EEFSEC: variants seen among roughly 807,000 people sequenced by gnomAD.
The protein encoded by EEFSEC is eukaryotic elongation factor, selenocysteine-tRNA specific, also known as selenocysteine-specific elongation factor.
A neutral mutation model predicts 42.1 loss-of-function variants in EEFSEC; 43 were observed. That is an observed-to-expected ratio of 1.02 (90% confidence interval 0.80 to 1.32). The LOEUF is 1.32. Among genes scored for constraint, EEFSEC ranks in the 40% most tolerant of loss-of-function variants. The pLI is 0.00. For synonymous variants in EEFSEC, 354 were observed against 339.1 expected (o/e 1.04, Z -0.48); for missense variants, 745 against 803.6 (o/e 0.93, Z 0.88).
chr3:128,404,545 T>C (rs1240952419), intron 6 of EEFSEC, among the ~76,000 whole-genome samples: 2 of 152,088 alleles, frequency 1.3e-5, no homozygotes, highest in African/African-American at 2.4e-5. Flanking sequence ...ATGCCATTTG[T>C]CGGGGTCTGC....
At chr3:128,243,490 A>G (rs1289622029) in intron 1 of EEFSEC, among the ~76,000 whole-genome samples, 1 of 152,250 alleles carries the variant, frequency 6.6e-6, no homozygotes, top group East Asian at 1.9e-4. Flanking sequence ...TTCCTGGTGA[A>G]TAAAGTAGAA....
At chr3:128,246,584 A>G (rs1310324116) in intron 1 of EEFSEC, among the ~76,000 whole-genome samples, 1 of 152,136 alleles carries the variant, frequency 6.6e-6, no homozygotes, top group Non-Finnish European at 1.5e-5. Flanking sequence ...ACCCAGCCCT[A>G]TTGCGTGTTA....
chr3:128,187,915 T>C (rs889986283), intron 1 of EEFSEC, among the ~76,000 whole-genome samples: 1 of 152,182 alleles, frequency 6.6e-6, no homozygotes, highest in Non-Finnish European at 1.5e-5. Flanking sequence ...TTTGGAGGGT[T>C]TGGACAATCC....
chr3:128,316,062 A>G (rs2066941256), intron 4 of EEFSEC, among the ~76,000 whole-genome samples: 1 of 152,258 alleles, frequency 6.6e-6, no homozygotes, highest in Non-Finnish European at 1.5e-5. Flanking sequence ...GCCAGAAAAG[A>G]CCAAGTCCTT....
intron 6 of EEFSEC, among the ~76,000 whole-genome samples, chr3:128,371,853 C>T (rs2067657816): frequency 1.3e-5 from 2 of 152,198 alleles, no homozygotes; most frequent in South Asian, 4.1e-4. Flanking sequence ...GGGGCCGGGG[C>T]CCGGCGGCAG....
intron 5 of EEFSEC, among the ~76,000 whole-genome samples, chr3:128,351,637 A>T (rs1202821653): frequency 6.6e-6 from 1 of 152,204 alleles, no homozygotes; most frequent in Non-Finnish European, 1.5e-5. Context: ...CCCAAGCCTC[A>T]TCATGGGAGC....
intron 4 of EEFSEC, among the ~76,000 whole-genome samples, chr3:128,300,541 G>GAAA (rs35286505): frequency 2.3e-5 from 2 of 86,090 alleles, no homozygotes; most frequent in African/African-American, 4.2e-5. Context: ...GACTCTGTCT[G>GAAA]AAAAAAAAAA....
intron 4 of EEFSEC, among the ~76,000 whole-genome samples, chr3:128,308,375 A>G (rs2066854786): frequency 6.6e-6 from 1 of 152,212 alleles, no homozygotes; most frequent in Non-Finnish European, 1.5e-5. Flanking sequence ...TTGGGAGAAG[A>G]CATAGCTTTC....
intron 1 of EEFSEC, among the ~76,000 whole-genome samples, chr3:128,203,951 A>G (rs1449302473): frequency 1.3e-5 from 2 of 152,268 alleles, no homozygotes; most frequent in Admixed American, 6.5e-5. Flanking sequence ...AGTTATTTAT[A>G]GGAGTATTGT....
chr3:128,339,804 C>G (rs183131156), intron 4 of EEFSEC, among the ~76,000 whole-genome samples: 1 of 152,278 alleles, frequency 6.6e-6, no homozygotes, highest in African/African-American at 2.4e-5. Flanking sequence ...ACTCACAGTT[C>G]TGCGTGGCTG....
chr3:128,342,105 C>T (rs1257919248), intron 5 of EEFSEC, among the ~76,000 whole-genome samples: 2 of 152,232 alleles, frequency 1.3e-5, no homozygotes, highest in Non-Finnish European at 2.9e-5. Context: ...AGCACCTGGG[C>T]AGGGGGACCC....
the EEFSEC span, among the ~76,000 whole-genome samples, chr3:128,416,487 C>A: frequency 1.3e-5 from 2 of 152,162 alleles, no homozygotes; most frequent in African/African-American, 4.8e-5. Context: ...AGCACCCCCA[C>A]ACCATGCCCA....
At chr3:128,172,426 T>C (rs1576516672) in intron 1 of EEFSEC, among the ~76,000 whole-genome samples, 1 of 152,240 alleles carries the variant, frequency 6.6e-6, no homozygotes, top group African/African-American at 2.4e-5. Context: ...TGTCCATAAA[T>C]AAAGCTTCAG....
At chr3:128,424,730 C>T in the EEFSEC span, among the ~76,000 whole-genome samples, 6 of 152,020 alleles carry the variant, frequency 3.9e-5, no homozygotes, top group South Asian at 2.1e-4. Context: ...ACGAAAAGTG[C>T]GCGGAGTATA....
chr3:128,278,209 G>A (rs148985730), intron 4 of EEFSEC, among the ~76,000 whole-genome samples: 2 of 152,216 alleles, frequency 1.3e-5, no homozygotes, highest in Non-Finnish European at 2.9e-5. Context: ...GGGGACTAGT[G>A]GGGAGGCTGT....
intron 4 of EEFSEC, among the ~76,000 whole-genome samples, chr3:128,305,665 A>G (rs1172055124): frequency 1.3e-5 from 2 of 152,124 alleles, no homozygotes; most frequent in Admixed American, 6.5e-5. Flanking sequence ...AAACTTTCTT[A>G]TATGTAGTAA....
chr3:128,226,511 G>A (rs1393162604), intron 1 of EEFSEC, among the ~76,000 whole-genome samples: 1 of 152,208 alleles, frequency 6.6e-6, no homozygotes, highest in Non-Finnish European at 1.5e-5. Context: ...CCTCCGTGCA[G>A]CACTGGCAGC....
chr3:128,362,421 G>A (rs1005030220), intron 6 of EEFSEC, among the ~76,000 whole-genome samples: 7 of 152,342 alleles, frequency 4.6e-5, no homozygotes, highest in South Asian at 4.1e-4. Context: ...ACATGTGCCC[G>A]TGATCTTATC....
chr3:128,153,839 G>T lies in EEFSEC; in HGVS notation c.316+16G>T. 1 of 1,495,350 alleles carries T rather than the reference G, an allele frequency of 6.7e-7. No individual in the cohort carries two copies. Among genetic ancestry groups the T allele is most frequent in the Non-Finnish European group, 8.8e-7 (1 of 1,130,466 alleles). The allele number at this position is 1,495,350 out of a possible 1,614,324, so 92.6% of individuals were successfully genotyped here. A position where few individuals can be genotyped will look rare whatever the true frequency, so the allele number is the denominator to read the frequency against. ...ATCATCGGCGGTGAGCGCGGGCCGGGGCGGGAGCCGGGCTCAGGGACGCGG... is the reference window on the plus strand; with the variant it reads ...ATCATCGGCGGTGAGCGCGGGCCGGTGCGGGAGCCGGGCTCAGGGACGCGG... On this transcript the variant is annotated intron_variant, in intron 1 of 6. Coordinates refer to ENST00000254730, the MANE Select transcript of EEFSEC (RefSeq NM_021937.5).
Sources: gnomAD v4.1 joint callset for allele counts (sites outside exome capture counted in the v4.1 genomes callset) on GRCh38, gnomAD v4.1.1 for gene constraint, MANE v1.5 for transcripts, NCBI Gene and HGNC (gene_info 2026-07-23, HGNC 2026-07-21) for gene names.